Variants in ZBTB16 observed in about 807,000 individuals in gnomAD.
The protein encoded by ZBTB16 is zinc finger and BTB domain containing 16, also known as zinc finger and BTB domain-containing protein 16.
A neutral mutation model predicts 56.8 loss-of-function variants in ZBTB16; 8 were observed. That is an observed-to-expected ratio of 0.14 (90% CI 0.08 to 0.25). The LOEUF is 0.25. Among genes scored for constraint, ZBTB16 ranks in the 10% least tolerant of loss-of-function variants. The pLI, the probability that ZBTB16 is intolerant of heterozygous loss-of-function variation, is 1.00. For synonymous variants in ZBTB16, 363 were observed against 368.5 expected, an observed-to-expected ratio of 0.98 and a Z score of 0.17; for missense variants, 625 against 903.0, an observed-to-expected ratio of 0.69 and a Z score of 3.95.
At chr11:114,128,364 A>T (rs981666919) in intron 2 of ZBTB16, among the ~76,000 whole-genome samples, 14 of 152,210 alleles carry the variant, frequency 9.2e-5, no homozygotes, top group African/African-American at 3.4e-4. Context: ...CTACTTCTGC[A>T]TGGCCGTGGC....
rs1239837528 is a variant in ZBTB16 at position 114,193,112 on chromosome 11, G to GT, written c.1453+6080dup. On this transcript the variant is annotated intron_variant, in intron 4 of 6. Coordinates refer to ENST00000335953, the MANE Select transcript of ZBTB16 (RefSeq NM_006006.6). ...CTGAATGTGGTGGTCTGGGCCTTTT[G>GT]TTTTTTCCCCAGAGATCTTGTGGAT... Among the ~76,000 whole-genome samples the GT allele has an allele frequency of 2.0e-5, 3 of 152,190 alleles. No homozygotes were observed. In the South Asian group the frequency reaches 6.2e-4, roughly 32 times the overall value.
At chr11:114,119,226 C>T (rs1033187821) in intron 2 of ZBTB16, among the ~76,000 whole-genome samples, 3 of 140,916 alleles carry the variant, frequency 2.1e-5, no homozygotes, top group Admixed American at 7.5e-5. Flanking sequence ...AACCACACCA[C>T]TCCGCTCCAG....
At chr11:114,129,527 C>T (rs867819968) in intron 2 of ZBTB16, among the ~76,000 whole-genome samples, 2 of 152,238 alleles carry the variant, frequency 1.3e-5, no homozygotes, top group African/African-American at 4.8e-5. Flanking sequence ...TGCCTATTCC[C>T]TTTCATTCTT....
In ZBTB16 at chr11:114,112,179, C is replaced by T. The variant is rs139446288; in HGVS notation, c.1269-44158C>T. Among the ~76,000 whole-genome samples, 273 of 152,188 alleles carry T rather than the reference C, an allele frequency of 1.8e-3. 1 individual carries two copies. The highest frequency in any genetic ancestry group is 5.9e-3 in the African/African-American group (245 of 41,502). ...CCTTGCACATTTGTTGGTTCTCTTTCGATATAAATCAGAAAAATGAATCTT... is the reference window on the plus strand; with the variant it reads ...CCTTGCACATTTGTTGGTTCTCTTTTGATATAAATCAGAAAAATGAATCTT... On this transcript the variant is annotated intron_variant, in intron 2 of 6. Coordinates refer to ENST00000335953, the MANE Select transcript of ZBTB16 (RefSeq NM_006006.6).
At chr11:114,071,666 T>G (rs1439147001) in intron 2 of ZBTB16, among the ~76,000 whole-genome samples, 1 of 152,162 alleles carries the variant, frequency 6.6e-6, no homozygotes, top group African/African-American at 2.4e-5. Context: ...TGACTTAGAG[T>G]CTTACTAAAT....
intron 3 of ZBTB16, among the ~76,000 whole-genome samples, chr11:114,158,208 C>A (rs989882595): frequency 6.6e-5 from 10 of 152,150 alleles, no homozygotes; most frequent in Non-Finnish European, 1.2e-4. Context: ...CTGCCCTAGA[C>A]CCCTGTGTGG....
intron 2 of ZBTB16, among the ~76,000 whole-genome samples, chr11:114,085,336 C>T (rs1939920866): frequency 6.6e-6 from 1 of 152,176 alleles, no homozygotes; most frequent in Non-Finnish European, 1.5e-5. Flanking sequence ...GGAGGTCCCC[C>T]AAACAGTGAG....
chr11:114,153,755 T>G (rs1039105433), intron 2 of ZBTB16, among the ~76,000 whole-genome samples: 1 of 152,214 alleles, frequency 6.6e-6, no homozygotes, highest in Non-Finnish European at 1.5e-5. Flanking sequence ...GAGGACCACC[T>G]GGTAGGCTAG....
intron 2 of ZBTB16, among the ~76,000 whole-genome samples, chr11:114,071,176 T>G (rs1347427816): frequency 3.9e-5 from 6 of 152,208 alleles, no homozygotes; most frequent in Admixed American, 2.6e-4. Context: ...TTTTGCTGTT[T>G]TGGAATCTGG....
intron 4 of ZBTB16, among the ~76,000 whole-genome samples, chr11:114,194,622 C>A (rs1943566713): frequency 6.6e-6 from 1 of 152,168 alleles, no homozygotes; most frequent in Admixed American, 6.5e-5. Flanking sequence ...GGTTGCAGAG[C>A]AGTGAGGAAT....
intron 2 of ZBTB16, among the ~76,000 whole-genome samples, chr11:114,127,346 C>T (rs1941535933): frequency 6.6e-6 from 1 of 152,164 alleles, no homozygotes; most frequent in Admixed American, 6.5e-5. Context: ...TGTGAAAATT[C>T]CTCAGCCCAC....
chr11:114,106,689 A>C (rs1381638405), intron 2 of ZBTB16, among the ~76,000 whole-genome samples: 1 of 151,978 alleles, frequency 6.6e-6, no homozygotes, highest in East Asian at 1.9e-4. Flanking sequence ...GGCCAGGCTG[A>C]TCTTAAACTC....
At chr11:114,183,362 A>C (rs943979858) in intron 3 of ZBTB16, among the ~76,000 whole-genome samples, 40 of 152,198 alleles carry the variant, frequency 2.6e-4, no homozygotes, top group Non-Finnish European at 1.5e-5. Context: ...ATGTGTGCTT[A>C]TCTGTCTTCA....
intron 2 of ZBTB16, among the ~76,000 whole-genome samples, chr11:114,106,918 A>G (rs1217380325): frequency 6.6e-6 from 1 of 152,108 alleles, no homozygotes; most frequent in Non-Finnish European, 1.5e-5. Context: ...TTCCCTTTAT[A>G]CCAGCTCTCA....
In ZBTB16 at chr11:114,233,081, G is replaced by GCGCACA. The variant is rs1250341636; in HGVS notation, c.1454-9085_1454-9084insGCACAC. On this transcript the variant is annotated intron_variant, in intron 4 of 6. Transcript: ENST00000335953. Reference sequence around the variant, plus strand: ...CACATACGCATGCGCGCGCGCGCGCGCACACACACACACACACACACACAC... The same window carrying GCGCACA: ...CACATACGCATGCGCGCGCGCGCGCGCGCACACACACACACACACACACACACACAC... 3.6e-3 allele frequency among the ~76,000 whole-genome samples: 314 copies of GCGCACA among 87,546 alleles called. 4 individuals carry two copies. The highest frequency in any genetic ancestry group is 8.4e-3 in the African/African-American group (194 of 23,030). 57.4% of individuals were successfully genotyped at this position (87,546 alleles called of 152,430 possible).
intron 2 of ZBTB16, among the ~76,000 whole-genome samples, chr11:114,092,557 A>G (rs568383005): frequency 6.6e-6 from 1 of 152,132 alleles, no homozygotes; most frequent in Non-Finnish European, 1.5e-5. Flanking sequence ...TTTTCTCTCC[A>G]AAGAGAAGTT....
At chr11:114,190,991 A>T (rs1943479602) in intron 4 of ZBTB16, among the ~76,000 whole-genome samples, 1 of 152,184 alleles carries the variant, frequency 6.6e-6, no homozygotes, top group Admixed American at 6.5e-5. Context: ...GGGTGCAGGC[A>T]TGTCACGTGG....
chr11:114,176,358 A>G (rs961221702), intron 3 of ZBTB16, among the ~76,000 whole-genome samples: 5 of 152,152 alleles, frequency 3.3e-5, no homozygotes, highest in South Asian at 4.1e-4. Flanking sequence ...TTGCAAAGCT[A>G]TCTATCTCTC....
chr11:114,121,607 C>CT lies in ZBTB16; in HGVS notation c.1269-34729dup, dbSNP rs372557133. 3.2e-3 allele frequency among the ~76,000 whole-genome samples: 489 copies of CT among 152,280 alleles called. 3 individuals carry two copies. The highest frequency in any genetic ancestry group is 6.8e-3 in the Middle Eastern group (2 of 294). ...TGACAGTAATCCCATGACATAGGGA[C>CT]TGGTATTATCTCCATTTTGCAGGTG... On this transcript the variant is annotated intron_variant, in intron 2 of 6. Transcript: ENST00000335953.
Sources: allele counts gnomAD v4.1 joint callset (sites outside exome capture counted in the v4.1 genomes callset), GRCh38; gene constraint gnomAD v4.1.1; transcripts MANE v1.5; gene names NCBI Gene and HGNC (gene_info 2026-07-23, HGNC 2026-07-21).